PCDHGA2: variants seen among roughly 807,000 people sequenced by gnomAD.
PCDHGA2 encodes the protein protocadherin gamma-A2.
Under a neutral mutation model 59.2 loss-of-function variants are expected in PCDHGA2, and 40 were observed. That is an observed-to-expected ratio of 0.68 (90% CI 0.52 to 0.88). The LOEUF (loss-of-function observed/expected upper bound fraction) is 0.88, where lower values mean the gene tolerates loss of function less well. Among genes scored for constraint, PCDHGA2 ranks in the 40% least tolerant of loss-of-function variants. PCDHGA2 has a pLI of 0.00. For missense variants in PCDHGA2, 1,226 were observed against 1,204.0 expected (o/e 1.02, Z -0.27); for synonymous variants, 560 against 526.0 (o/e 1.06, Z -0.89).
chr5:141,364,417 G>T, intron 1 of PCDHGA2: 1 of 1,613,362 alleles, frequency 6.2e-7, no homozygotes, highest in Non-Finnish European at 8.5e-7. Flanking sequence ...CAGGATCCGG[G>T]CAGATCCGCT....
At chr5:141,464,611 A>G (rs2099087451) in intron 1 of PCDHGA2, among the ~76,000 whole-genome samples, 3 of 152,194 alleles carry the variant, frequency 2.0e-5, no homozygotes, top group African/African-American at 7.2e-5. Context: ...TTTGCAGAGT[A>G]TATTGTCAAG....
At position 141,419,268 on chromosome 5, in the gene PCDHGA2, C is replaced by T. The variant is rs1240259934; in HGVS notation, c.2425-75539C>T. 6.2e-6 allele frequency: 10 copies of T among 1,614,050 alleles called. No homozygotes were observed. The East Asian group carries it at 2.2e-4, about 36-fold the overall frequency. ...CCAGAAAACAACCAGCCGGGTGCCT[C>T]CATAGCGCAAGTCAGTGCCTCTGAC... is the stretch of plus-strand genomic sequence containing the variant. On this transcript the variant is annotated intron_variant, in intron 1 of 3. Transcript: ENST00000394576.
At position 141,489,094 on chromosome 5, in the gene PCDHGA2, G is replaced by GAAA. The variant is rs2154581134; in HGVS notation, c.2425-5711_2425-5710insAAA. On this transcript the variant is annotated intron_variant, in intron 1 of 3. Coordinates refer to ENST00000394576, the MANE Select transcript of PCDHGA2 (RefSeq NM_018915.4). The surrounding 1 kb of genome is among the most constrained non-coding windows in gnomAD (Gnocchi z 4.5). ...CCCACCCCCGCCACTCGGTGACTAA[G>GAAA]AACTGCTGCAAGCAGGCAAACCTCC... The GAAA allele has an allele frequency of 5.1e-6, 2 of 396,028 alleles. No homozygotes were observed. Among genetic ancestry groups the GAAA allele is most frequent in the South Asian group, 4.8e-5 (1 of 20,814 alleles). The allele number at this position is 396,028 out of a possible 1,614,324, so 24.5% of individuals were successfully genotyped here.
chr5:141,344,238 A>C (rs1046741074), intron 1 of PCDHGA2: 3 of 1,614,044 alleles, frequency 1.9e-6, no homozygotes, highest in East Asian at 2.2e-5. Context: ...CATCGTCTCC[A>C]GAGGTAGGAC....
At chr5:141,375,769 C>G in intron 1 of PCDHGA2, 2 of 1,614,238 alleles carry the variant, frequency 1.2e-6, no homozygotes, top group Non-Finnish European at 1.7e-6. Context: ...CGCCCGAGAT[C>G]CTGTACCCCG....
At chr5:141,358,924 A>T (rs1466398960) in intron 1 of PCDHGA2, among the ~76,000 whole-genome samples, 1 of 152,216 alleles carries the variant, frequency 6.6e-6, no homozygotes, top group African/African-American at 2.4e-5. Context: ...TGTGTAGGGG[A>T]TATACAACAC....
chr5:141,487,695 C>T lies in PCDHGA2; in HGVS notation c.2425-7112C>T, dbSNP rs1345224043. The stretch of plus-strand genomic sequence containing the variant: ...TGGCTAGGCCATGTCCTAGAGAGTA[C>T]TGGCCTCTCAGTAAGTGCCCATAGT... On this transcript the variant is annotated intron_variant, in intron 1 of 3. Coordinates refer to ENST00000394576, the MANE Select transcript of PCDHGA2 (RefSeq NM_018915.4). The surrounding 1 kb of genome is among the most constrained non-coding windows in gnomAD (Gnocchi z 5.0). 2 of 1,601,306 alleles carry T rather than the reference C, an allele frequency of 1.2e-6. No individual in the cohort carries two copies. Among genetic ancestry groups the T allele is most frequent in the East Asian group, 2.2e-5 (1 of 44,606 alleles).
chr5:141,439,390 C>T (rs528547728), intron 1 of PCDHGA2, among the ~76,000 whole-genome samples: 1 of 152,266 alleles, frequency 6.6e-6, no homozygotes, highest in South Asian at 2.1e-4. Flanking sequence ...GTCATCACTT[C>T]GACTTCATGT....
intron 2 of PCDHGA2, among the ~76,000 whole-genome samples, chr5:141,499,689 CTTTTTT>C (rs545067566): frequency 3.3e-5 from 4 of 119,854 alleles, no homozygotes; most frequent in Admixed American, 8.7e-5. Flanking sequence ...TAACAGATGA[CTTTTTT>C]TTTTTTTTTT....
intron 1 of PCDHGA2, chr5:141,409,980 C>T (rs2095343394): frequency 6.2e-7 from 1 of 1,613,322 alleles, no homozygotes; most frequent in Non-Finnish European, 8.5e-7. Context: ...AAGGTGGTAG[C>T]GGTGGACGCC....
chr5:141,400,954 G>A (rs1195267748), intron 1 of PCDHGA2, among the ~76,000 whole-genome samples: 1 of 152,014 alleles, frequency 6.6e-6, no homozygotes, highest in African/African-American at 2.4e-5. Context: ...GATTTCACTG[G>A]TAGTTTTCAT....
At chr5:141,367,387 A>C (rs1765092239) in intron 1 of PCDHGA2, 1 of 152,180 alleles carries the variant, frequency 6.6e-6, no homozygotes, top group African/African-American at 2.4e-5. Flanking sequence ...AATACAAAAA[A>C]TTAGCCGGGC....
intron 1 of PCDHGA2, chr5:141,390,229 C>T (rs781367582): frequency 6.2e-7 from 1 of 1,614,056 alleles, no homozygotes; most frequent in South Asian, 1.1e-5. Flanking sequence ...TGCGGTGATT[C>T]ATCTGGGGCC....
chr5:141,403,049 T>A, intron 1 of PCDHGA2: 1 of 1,614,056 alleles, frequency 6.2e-7, no homozygotes, highest in Non-Finnish European at 8.5e-7. Context: ...TCAGATTCGC[T>A]ACTCAGTGCC....
rs1332743231 is a variant in PCDHGA2 at position 141,432,967 on chromosome 5, G to A, written c.2425-61840G>A. 4 of 1,614,192 alleles carry A rather than the reference G, an allele frequency of 2.5e-6. No homozygotes were observed. In the East Asian group the frequency reaches 6.7e-5, roughly 27 times the overall value. On this transcript the variant is annotated intron_variant, in intron 1 of 3. Coordinates refer to ENST00000394576, the MANE Select transcript of PCDHGA2 (RefSeq NM_018915.4). The surrounding 1 kb of genome is among the most constrained non-coding windows in gnomAD (Gnocchi z 6.0). The stretch of plus-strand genomic sequence containing the variant: ...CAGGAGGCGGCTTGACAGGAGCGCC[G>A]GCGTCGCACTTTGTGGGCGTGGACG...
intron 1 of PCDHGA2, chr5:141,421,930 G>T (rs780569992): frequency 3.1e-6 from 5 of 1,613,480 alleles, no homozygotes; most frequent in Non-Finnish European, 4.2e-6. Context: ...GGTGGTCCTC[G>T]ATGTAAATGA....
At chr5:141,502,488 T>A (rs1273845698) in intron 2 of PCDHGA2, among the ~76,000 whole-genome samples, 1 of 152,236 alleles carries the variant, frequency 6.6e-6, no homozygotes, top group Non-Finnish European at 1.5e-5. Context: ...ACACTGGGAC[T>A]CATCTAACGT....
intron 1 of PCDHGA2, among the ~76,000 whole-genome samples, chr5:141,347,248 G>A (rs768433693): frequency 2.0e-4 from 30 of 151,524 alleles, no homozygotes; most frequent in Middle Eastern, 6.8e-3. Flanking sequence ...TGACCTCGCA[G>A]ACTCAAGTGA....
intron 1 of PCDHGA2, chr5:141,478,623 G>GT (rs1337268572): frequency 1.3e-5 from 20 of 1,554,356 alleles, no homozygotes; most frequent in Admixed American, 3.9e-5. Flanking sequence ...GAATGGAGCT[G>GT]TTTTTTTAGT....
Sources: gnomAD v4.1 joint callset for allele counts (sites outside exome capture counted in the v4.1 genomes callset) on GRCh38, gnomAD v4.1.1 for gene constraint, Gnocchi (gnomAD v3.1) non-coding constraint, MANE v1.5 for transcripts, NCBI Gene and HGNC (gene_info 2026-07-23, HGNC 2026-07-21) for gene names.